Variants in RADIL observed in about 807,000 individuals in gnomAD.
RADIL encodes ras-associating and dilute domain-containing protein.
Under a neutral mutation model 97.6 loss-of-function variants are expected in RADIL, and 99 were observed. That is an observed-to-expected ratio of 1.01 (90% CI 0.86 to 1.20). The LOEUF (loss-of-function observed/expected upper bound fraction) is 1.20, where lower values mean the gene tolerates loss of function less well. Among genes scored for constraint, RADIL ranks in the 50% most tolerant of loss-of-function variants. The pLI is 0.00. For synonymous variants in RADIL, 803 were observed against 691.8 expected (o/e 1.16, Z -2.52); for missense variants, 1,765 against 1,498.9 (o/e 1.18, Z -2.93).
In RADIL at chr7:4,873,996, C is replaced by T. The variant is rs118189788; in HGVS notation, c.535+3609G>A. On this transcript the variant is annotated intron_variant, in intron 2 of 14. Transcript: ENST00000399583. This position sits in a 1 kb window ranked among gnomAD's most constrained non-coding sequence, Gnocchi z 4.3. ...CCCCTTGGAGGGGCGAGGGAGGAAT[C>T]GCCTAGTGCCGGCTGCAAACTCACT... Among the ~76,000 whole-genome samples, 1,373 of 152,356 alleles carry T rather than the reference C, an allele frequency of 9.0e-3. 12 individuals carry two copies. The highest frequency in any genetic ancestry group is 0.016 in the Non-Finnish European group (1,096 of 68,028).
At position 4,854,211 on chromosome 7, in the gene RADIL, G is replaced by C. The variant is rs908870701; in HGVS notation, c.536-17606C>G. 6.6e-6 allele frequency among the ~76,000 whole-genome samples: 1 copy of C among 151,650 alleles called. No homozygotes were observed. The highest frequency in any genetic ancestry group is 2.4e-5 in the African/African-American group (1 of 40,942). Reference sequence around the variant, plus strand: ...GAAAGTAGAAAAAGCCTGGTCCCTGGTGACCAGGAAAGCCACCGTTACCAG... The same window carrying C: ...GAAAGTAGAAAAAGCCTGGTCCCTGCTGACCAGGAAAGCCACCGTTACCAG... On this transcript the variant is annotated intron_variant, in intron 2 of 14. Transcript: ENST00000399583. The surrounding 1 kb of genome is among the most constrained non-coding windows in gnomAD (Gnocchi z 5.1).
At position 4,880,523 on chromosome 7, in the gene RADIL, T is replaced by C. The variant is rs1442488542; in HGVS notation, c.-64-2320A>G. On this transcript the variant is annotated intron_variant, in intron 1 of 14. Coordinates refer to ENST00000399583, the MANE Select transcript of RADIL (RefSeq NM_018059.5). The surrounding 1 kb of genome is among the most constrained non-coding windows in gnomAD (Gnocchi z 4.5). ...AAAGAGCCTCTCCAGCCGGCACTTATTAACCATCCATGAGAGCTGCACAAC... is the reference window on the plus strand; with the variant it reads ...AAAGAGCCTCTCCAGCCGGCACTTACTAACCATCCATGAGAGCTGCACAAC... Among the ~76,000 whole-genome samples the C allele has an allele frequency of 6.6e-5, 10 of 152,196 alleles. No homozygotes were observed. The highest frequency in any genetic ancestry group is 2.1e-4 in the South Asian group (1 of 4,830).
At chr7:4,856,348 G>A (rs954929446) in intron 2 of RADIL, among the ~76,000 whole-genome samples, 2 of 152,114 alleles carry the variant, frequency 1.3e-5, no homozygotes, top group African/African-American at 4.8e-5. Flanking sequence ...GGTCTCAAGC[G>A]ATCCACCCGC....
Position 4,842,853 on chromosome 7 carries a change from T to C in RADIL, c.536-6248A>G, listed in dbSNP as rs949743517. Among the ~76,000 whole-genome samples, 20 of 151,922 alleles carry C rather than the reference T, an allele frequency of 1.3e-4. No homozygotes were observed. The highest frequency in any genetic ancestry group is 7.2e-4 in the Admixed American group (11 of 15,244). On this transcript the variant is annotated intron_variant, in intron 2 of 14. Coordinates refer to ENST00000399583, the MANE Select transcript of RADIL (RefSeq NM_018059.5). The surrounding 1 kb of genome is among the most constrained non-coding windows in gnomAD (Gnocchi z 4.5). Reference sequence around the variant, plus strand: ...ACCACTACTGGGGAACCGGAGACCATTGTACTTATTTGCTATGTTGCCCAG... The same window carrying C: ...ACCACTACTGGGGAACCGGAGACCACTGTACTTATTTGCTATGTTGCCCAG...
chr7:4,860,066 G>C (rs1201800475), intron 2 of RADIL: 7 of 1,613,856 alleles, frequency 4.3e-6, no homozygotes, highest in Non-Finnish European at 5.9e-6. Flanking sequence ...ACTTTCATTG[G>C]TATTCACCTG....
rs116604292 is a variant in RADIL at position 4,872,604 on chromosome 7, A to G, written c.535+5001T>C. Reference sequence around the variant, plus strand: ...TACAGCCTTCTAGGAAAGGGGAGTGAGAGCCACTTCCAGCCCGGCCATACC... The same window carrying G: ...TACAGCCTTCTAGGAAAGGGGAGTGGGAGCCACTTCCAGCCCGGCCATACC... On this transcript the variant is annotated intron_variant, in intron 2 of 14. Coordinates refer to ENST00000399583, the MANE Select transcript of RADIL (RefSeq NM_018059.5). This position sits in a 1 kb window ranked among gnomAD's most constrained non-coding sequence, Gnocchi z 5.8. Among the ~76,000 whole-genome samples the G allele has an allele frequency of 3.4e-3, 519 of 152,206 alleles. 2 individuals are homozygous for G. The highest frequency in any genetic ancestry group is 0.012 in the African/African-American group (479 of 41,528).
intron 2 of RADIL, among the ~76,000 whole-genome samples, chr7:4,871,387 G>C (rs886165708): frequency 7.2e-5 from 11 of 152,250 alleles, no homozygotes; most frequent in African/African-American, 2.7e-4. Flanking sequence ...GAGGAAGGCA[G>C]CGGCGCTTCC....
chr7:4,847,386 C>G (rs1286481647), intron 2 of RADIL, among the ~76,000 whole-genome samples: 1 of 152,088 alleles, frequency 6.6e-6, no homozygotes, highest in Non-Finnish European at 1.5e-5. Context: ...CCCTCATACA[C>G]GATTGCTGGA....
intron 1 of RADIL, among the ~76,000 whole-genome samples, chr7:4,881,703 G>T (rs1784490999): frequency 6.6e-6 from 1 of 150,702 alleles, no homozygotes; most frequent in Admixed American, 6.6e-5. Flanking sequence ...CTCCAGCCTG[G>T]GCAACAGAGT....
rs752428218 is a variant in RADIL, at chr7:4,821,990, C to T, written c.1615+404G>A. Among the ~76,000 whole-genome samples, 67 of 152,156 alleles carry T rather than the reference C, an allele frequency of 4.4e-4. No individual in the cohort carries two copies. Among genetic ancestry groups the T allele is most frequent in the Admixed American group, 1.6e-3 (24 of 15,288 alleles). On this transcript the variant is annotated intron_variant, in intron 6 of 14. Coordinates refer to ENST00000399583, the MANE Select transcript of RADIL (RefSeq NM_018059.5). This position sits in a 1 kb window ranked among gnomAD's most constrained non-coding sequence, Gnocchi z 5.2. ...TAACGGTGTGTCTCAGAACGGGCGG[C>T]GGTCTCATGGCCGACGCTCTCTCTA...
At chr7:4,846,192 C>T (rs960582468) in intron 2 of RADIL, among the ~76,000 whole-genome samples, 4 of 149,652 alleles carry the variant, frequency 2.7e-5, no homozygotes, top group African/African-American at 7.4e-5. Context: ...TGCAGTGGTG[C>T]GATCTTGGCT....
At chr7:4,806,275 G>C (rs1034126201) in intron 9 of RADIL, among the ~76,000 whole-genome samples, 1 of 152,138 alleles carries the variant, frequency 6.6e-6, no homozygotes, top group African/African-American at 2.4e-5. Flanking sequence ...TCAGCCTCCT[G>C]AGTAGCTGGG....
In RADIL at chr7:4,834,239, T is replaced by C. The variant is rs139480237; in HGVS notation, c.1416+368A>G. Among the ~76,000 whole-genome samples, 105 of 152,172 alleles carry C rather than the reference T, an allele frequency of 6.9e-4. No homozygotes were observed. In the Middle Eastern group the frequency reaches 0.01, roughly 15 times the overall value. On this transcript the variant is annotated intron_variant, in intron 4 of 14. Coordinates refer to ENST00000399583, the MANE Select transcript of RADIL (RefSeq NM_018059.5). The surrounding 1 kb of genome is among the most constrained non-coding windows in gnomAD (Gnocchi z 6.0). ...CTTGGGCAGGGGCCTGTGAGAGCTA[T>C]CAATGTCACCTCGGCCTCGTGGTGC... is the stretch of plus-strand genomic sequence containing the variant.
At chr7:4,871,700 G>A (rs575097215) in intron 2 of RADIL, among the ~76,000 whole-genome samples, 10 of 152,214 alleles carry the variant, frequency 6.6e-5, no homozygotes, top group African/African-American at 1.9e-4. Flanking sequence ...CAAAGAAAAC[G>A]GACCCCACTC....
In RADIL at chr7:4,805,562, T is replaced by G. The variant is rs1216972743; in HGVS notation, c.2290+4A>C. ...GCCCTCTCCTGCCCTGGGGCAGGGC[T>G]TACCTGACCTGAAGGCCTCGGGGCT... On this transcript the variant is annotated splice_donor_region_variant and intron_variant, in intron 10 of 14. Transcript: ENST00000399583. The G allele has an allele frequency of 6.3e-7, 1 of 1,591,146 alleles. No individual in the cohort carries two copies. The highest frequency in any genetic ancestry group is 8.6e-7 in the Non-Finnish European group (1 of 1,166,818).
rs892180739 is a variant in RADIL, at chr7:4,803,529, G to A, written c.2499+17C>T. The stretch of plus-strand genomic sequence containing the variant: ...CACCTCGGGGCACGCTGGCTGGGGG[G>A]CCCCCTCCCCGGGTACCTCGGGGCA... On this transcript the variant is annotated intron_variant, in intron 11 of 14. Transcript: ENST00000399583. The A allele has an allele frequency of 1.3e-6, 2 of 1,527,300 alleles. No homozygotes were observed. Among genetic ancestry groups the A allele is most frequent in the East Asian group, 2.5e-5 (1 of 40,424 alleles). The allele number at this position is 1,527,300 out of a possible 1,614,324, so 94.6% of individuals were successfully genotyped here. A position where few individuals can be genotyped will look rare whatever the true frequency, so the allele number is the denominator to read the frequency against.
At chr7:4,828,494 T>C (rs961258276) in intron 5 of RADIL, among the ~76,000 whole-genome samples, 20 of 152,220 alleles carry the variant, frequency 1.3e-4, no homozygotes, top group Admixed American at 1.2e-3. Context: ...CACTCCACAT[T>C]AACAGATTAA....
intron 2 of RADIL, chr7:4,865,754 G>A: frequency 9.4e-7 from 1 of 1,060,006 alleles, no homozygotes; most frequent in South Asian, 1.3e-5. Context: ...TTCAGAACCT[G>A]CTTATTTTTT....
intron 2 of RADIL, chr7:4,861,524 C>G: frequency 6.2e-7 from 1 of 1,614,034 alleles, no homozygotes; most frequent in African/African-American, 1.3e-5. Flanking sequence ...AAAAATCTTT[C>G]CTCCAACGTT....
Sources: gnomAD v4.1 joint callset for allele counts (sites outside exome capture counted in the v4.1 genomes callset) on GRCh38, gnomAD v4.1.1 for gene constraint, Gnocchi (gnomAD v3.1) non-coding constraint, MANE v1.5 for transcripts, NCBI Gene and HGNC (gene_info 2026-07-23, HGNC 2026-07-21) for gene names.